Variants in PRKCE observed in about 807,000 individuals in gnomAD.
PRKCE encodes protein kinase C epsilon type.
A neutral mutation model predicts 85.4 loss-of-function variants in PRKCE; 16 were observed. That is an observed-to-expected ratio of 0.19 (90% confidence interval 0.13 to 0.28). The LOEUF is 0.28. Ranked by LOEUF, PRKCE falls within the 10% of genes least tolerant of loss-of-function variation. The probability of loss-of-function intolerance (pLI) is 1.00; values close to 1 mark genes in which losing one functional copy is unlikely to be tolerated. For missense variants in PRKCE, 573 were observed against 975.2 expected (o/e 0.59, Z 5.49); for synonymous variants, 388 against 371.5 (o/e 1.04, Z -0.51).
chr2:45,748,411 G>A (rs768074144), intron 1 of PRKCE, among the ~76,000 whole-genome samples: 10 of 152,224 alleles, frequency 6.6e-5, no homozygotes, highest in African/African-American at 9.6e-5. Context: ...GTGAGAGAGC[G>A]CAAGCAAGCT....
chr2:45,896,613 A>C (rs1166149851), intron 2 of PRKCE, among the ~76,000 whole-genome samples: 1 of 152,220 alleles, frequency 6.6e-6, no homozygotes, highest in Non-Finnish European at 1.5e-5. Context: ...GGCAATTTTG[A>C]GTCACTATAC....
intron 13 of PRKCE, among the ~76,000 whole-genome samples, chr2:46,154,665 C>G (rs947946164): frequency 6.6e-6 from 1 of 152,022 alleles, no homozygotes; most frequent in Non-Finnish European, 1.5e-5. Flanking sequence ...TTTGCTACCC[C>G]TTTCTCCTGC....
At chr2:45,762,561 G>C (rs1415314079) in intron 1 of PRKCE, among the ~76,000 whole-genome samples, 1 of 152,194 alleles carries the variant, frequency 6.6e-6, no homozygotes, top group Non-Finnish European at 1.5e-5. Context: ...GGCATCTTGT[G>C]CCTGGCTCTA....
At chr2:46,040,850 A>T (rs1267483645) in intron 10 of PRKCE, among the ~76,000 whole-genome samples, 1 of 152,184 alleles carries the variant, frequency 6.6e-6, no homozygotes, top group Non-Finnish European at 1.5e-5. Flanking sequence ...TAACCTTTGT[A>T]CTCTGAAAAT....
chr2:46,114,574 C>A (rs960244558), intron 11 of PRKCE, among the ~76,000 whole-genome samples: 8 of 151,850 alleles, frequency 5.3e-5, no homozygotes, highest in Non-Finnish European at 1.2e-4. Context: ...CCCGCCACCA[C>A]GCCTGGCTAA....
chr2:45,924,773 G>C (rs975183631), intron 2 of PRKCE, among the ~76,000 whole-genome samples: 1 of 152,274 alleles, frequency 6.6e-6, no homozygotes, highest in African/African-American at 2.4e-5. Context: ...CTTAGTGGCA[G>C]CAAAGAGTTG....
chr2:45,819,013 G>A (rs921109181), intron 1 of PRKCE, among the ~76,000 whole-genome samples: 1 of 152,130 alleles, frequency 6.6e-6, no homozygotes, highest in Non-Finnish European at 1.5e-5. Flanking sequence ...TTGGGGCGTG[G>A]AGCCTCCTGA....
At position 45,952,522 on chromosome 2, in the gene PRKCE, A is replaced by C. The variant is rs546994564; in HGVS notation, c.413-23907A>C. Among the ~76,000 whole-genome samples, 14 of 152,332 alleles carry C rather than the reference A, an allele frequency of 9.2e-5. No individual in the cohort carries two copies. In the East Asian group the frequency reaches 2.7e-3, roughly 29 times the overall value. On this transcript the variant is annotated intron_variant, in intron 2 of 14. Transcript: ENST00000306156. ...ATACTTCAGGCTCCCTTGTTAACTA[A>C]TGGTTCAAATTAAAGGAACATAAAG...
intron 2 of PRKCE, among the ~76,000 whole-genome samples, chr2:45,881,166 A>AC (rs1694860981): frequency 1.3e-5 from 2 of 151,784 alleles, no homozygotes; most frequent in Non-Finnish European, 2.9e-5. Flanking sequence ...AAAAAAAAAA[A>AC]AAAAAGATTT....
chr2:46,135,022 C>T (rs1327439915), intron 11 of PRKCE, among the ~76,000 whole-genome samples: 1 of 152,224 alleles, frequency 6.6e-6, no homozygotes, highest in Non-Finnish European at 1.5e-5. Flanking sequence ...TGCCCAGGTA[C>T]AGCCACAGGC....
intron 10 of PRKCE, among the ~76,000 whole-genome samples, chr2:46,055,643 C>G (rs554446717): frequency 2.0e-5 from 3 of 152,084 alleles, no homozygotes; most frequent in Admixed American, 6.6e-5. Context: ...CTGGATCTGC[C>G]CTTTGGAAAA....
chr2:45,716,630 G>GAGAAGGAGA (rs1384410195), intron 1 of PRKCE, among the ~76,000 whole-genome samples: 4 of 146,302 alleles, frequency 2.7e-5, no homozygotes, highest in African/African-American at 1.0e-4. Flanking sequence ...GAAGGAGAAG[G>GAGAAGGAGA]AGAAGAAGAA....
intron 11 of PRKCE, among the ~76,000 whole-genome samples, chr2:46,117,213 A>T (rs1437001374): frequency 6.6e-6 from 1 of 152,242 alleles, no homozygotes. Context: ...GAGTTTACAC[A>T]TTCAAATGAG....
Position 46,184,927 on chromosome 2 carries a change from A to G in PRKCE, c.*46A>G, listed in dbSNP as rs1314269254. 6.3e-7 allele frequency: 1 copy of G among 1,596,756 alleles called. No homozygotes were observed. The highest frequency in any genetic ancestry group is 1.1e-5 in the South Asian group (1 of 90,696). ...TTGCCGATGCTGCAAGAAGGGGTGCAGAGAAGACTCCTGTGTTGGAGACAC... is the reference window on the plus strand; with the variant it reads ...TTGCCGATGCTGCAAGAAGGGGTGCGGAGAAGACTCCTGTGTTGGAGACAC... On this transcript the variant is annotated 3_prime_UTR_variant, in exon 15 of 15. Transcript: ENST00000306156. This position sits in a 1 kb window ranked among gnomAD's most constrained non-coding sequence, Gnocchi z 5.0.
At chr2:46,167,534 A>G (rs1046194474) in intron 14 of PRKCE, among the ~76,000 whole-genome samples, 4 of 152,216 alleles carry the variant, frequency 2.6e-5, no homozygotes, top group Admixed American at 2.6e-4. Context: ...ATTACAGGGC[A>G]GAAAGCATCT....
chr2:45,682,151 A>G (rs531072977), intron 1 of PRKCE, among the ~76,000 whole-genome samples: 148 of 152,346 alleles, frequency 9.7e-4, no homozygotes, highest in Admixed American at 3.7e-3. Flanking sequence ...CATCTCTGAC[A>G]TACAAACTGC....
intron 2 of PRKCE, among the ~76,000 whole-genome samples, chr2:45,870,833 G>A (rs1694036110): frequency 6.6e-6 from 1 of 152,224 alleles, no homozygotes; most frequent in African/African-American, 2.4e-5. Flanking sequence ...GGTCAAACGA[G>A]GTGAGTAACG....
At chr2:45,713,168 A>T (rs1303497104) in intron 1 of PRKCE, among the ~76,000 whole-genome samples, 1 of 152,142 alleles carries the variant, frequency 6.6e-6, no homozygotes, top group Non-Finnish European at 1.5e-5. Flanking sequence ...GCTCTTATAA[A>T]GGTGAAGTGG....
intron 11 of PRKCE, among the ~76,000 whole-genome samples, chr2:46,140,128 C>T (rs1675368470): frequency 6.6e-6 from 1 of 152,122 alleles, no homozygotes; most frequent in Non-Finnish European, 1.5e-5. Context: ...TCAACTCTCC[C>T]TAAGTTAATT....
Sources: allele counts gnomAD v4.1 joint callset (sites outside exome capture counted in the v4.1 genomes callset), GRCh38; gene constraint gnomAD v4.1.1; non-coding constraint Gnocchi (gnomAD v3.1); transcripts MANE v1.5; gene names NCBI Gene and HGNC (gene_info 2026-07-23, HGNC 2026-07-21).